Variants in SLC38A1 observed in about 807,000 individuals in gnomAD.
SLC38A1 encodes the protein solute carrier family 38 member 1.
Under a neutral mutation model 60.3 loss-of-function variants are expected in SLC38A1, and 18 were observed. The ratio of observed to expected loss-of-function variants is 0.30; its 90% CI spans 0.21 to 0.44. The LOEUF (loss-of-function observed/expected upper bound fraction) is 0.44, where lower values mean the gene tolerates loss of function less well. Ranked by LOEUF, SLC38A1 falls within the 20% of genes least tolerant of loss-of-function variation. The pLI is 1.00. For missense variants in SLC38A1, 448 were observed against 587.2 expected (o/e 0.76, Z 2.45); for synonymous variants, 196 against 212.1 (o/e 0.92, Z 0.66).
intron 16 of SLC38A1, 190 bp downstream of exon 16, chr12:46,197,530 A>G (rs1939438138): frequency 1.2e-5 from 6 of 495,120 alleles, no homozygotes; most frequent in African/African-American, 1.0e-4. Flanking sequence ...AAAACCAGAA[A>G]AGATATTTGG....
chr12:46,251,932 A>G (rs1941856314), intron 1 of SLC38A1, among the ~76,000 whole-genome samples: 2 of 152,320 alleles, frequency 1.3e-5, no homozygotes, highest in South Asian at 4.1e-4. Context: ...CAGTGTGGCA[A>G]TTCCTCAAGG....
In SLC38A1 at chr12:46,229,653, C is replaced by A. The variant is rs766157424; in HGVS notation, c.123-14G>T. ...GAAATAAACTTGCTGTAAAGACATGCGTAATATATTTAACCTTATGATAAT... is the reference window on the plus strand; with the variant it reads ...GAAATAAACTTGCTGTAAAGACATGAGTAATATATTTAACCTTATGATAAT... On this transcript the variant is annotated splice_polypyrimidine_tract_variant and intron_variant, in intron 3 of 16. Coordinates refer to ENST00000398637, the MANE Select transcript of SLC38A1 (RefSeq NM_030674.4). 1.9e-6 allele frequency: 3 copies of A among 1,603,330 alleles called. No individual in the cohort carries two copies. The highest frequency in any genetic ancestry group is 1.7e-6 in the Non-Finnish European group (2 of 1,171,106).
At chr12:46,245,860 T>A (rs1156471726) in intron 1 of SLC38A1, among the ~76,000 whole-genome samples, 2 of 152,244 alleles carry the variant, frequency 1.3e-5, no homozygotes, top group Non-Finnish European at 2.9e-5. Flanking sequence ...CTTCCTTTTT[T>A]ATTTTTATTT....
chr12:46,192,688 C>A (rs1314151002), intron 16 of SLC38A1, among the ~76,000 whole-genome samples: 1 of 152,144 alleles, frequency 6.6e-6, no homozygotes, highest in East Asian at 1.9e-4. Flanking sequence ...GGAATTTATA[C>A]ATTTCTTCTA....
chr12:46,262,329 G>A (rs367770459), intron 1 of SLC38A1, among the ~76,000 whole-genome samples: 1 of 151,744 alleles, frequency 6.6e-6, no homozygotes, highest in South Asian at 2.1e-4. Context: ...TAAAGTTAAT[G>A]AAGTCAACCT....
chr12:46,205,585 G>A (rs369511148), intron 9 of SLC38A1, among the ~76,000 whole-genome samples: 1 of 152,108 alleles, frequency 6.6e-6, no homozygotes, highest in African/African-American at 2.4e-5. Flanking sequence ...ATGACTTGGA[G>A]ATTATCCGCC....
At position 46,198,076 on chromosome 12, in the gene SLC38A1, A is replaced by T. The variant is rs1425382400; in HGVS notation, c.1123-16T>A. On this transcript the variant is annotated splice_polypyrimidine_tract_variant and intron_variant, in intron 14 of 16. Transcript: ENST00000398637. ...ATGAACGAACCTGCAAGAAAAGAAA[A>T]CAAAGATTCTGTAAGTGCCTACAGC... is the stretch of plus-strand genomic sequence containing the variant. The T allele has an allele frequency of 1.2e-6, 2 of 1,612,314 alleles. No homozygotes were observed. Among genetic ancestry groups the T allele is most frequent in the South Asian group, 1.1e-5 (1 of 90,980 alleles).
intron 16 of SLC38A1, among the ~76,000 whole-genome samples, chr12:46,197,057 G>A (rs769269062): frequency 6.6e-6 from 1 of 152,218 alleles, no homozygotes. Context: ...ACAGTGGACT[G>A]CATAACATCT....
intron 5 of SLC38A1, among the ~76,000 whole-genome samples, chr12:46,210,973 G>T (rs1461309751): frequency 2.0e-5 from 3 of 152,132 alleles, no homozygotes; most frequent in African/African-American, 4.8e-5. Flanking sequence ...GCATTTATTA[G>T]CCAACCCAGT....
At chr12:46,222,310 C>T (rs1322371345) in intron 5 of SLC38A1, among the ~76,000 whole-genome samples, 2 of 151,994 alleles carry the variant, frequency 1.3e-5, no homozygotes, top group African/African-American at 4.8e-5. Flanking sequence ...ATCTCCACTC[C>T]ACCTCTAGAC....
chr12:46,188,767 C>T lies in SLC38A1; in HGVS notation c.*203G>A. 2.2e-6 allele frequency: 1 copy of T among 458,996 alleles called. No homozygotes were observed. Among genetic ancestry groups the T allele is most frequent in the Non-Finnish European group, 3.9e-6 (1 of 255,888 alleles). 28.4% of individuals were successfully genotyped at this position (458,996 alleles called of 1,614,324 possible). A position where few individuals can be genotyped will look rare whatever the true frequency, so the allele number is the denominator to read the frequency against. On this transcript the variant is annotated 3_prime_UTR_variant, in exon 17 of 17. Transcript: ENST00000398637. ...AATTTGAAAAAAAAATTTCACAATC[C>T]CTAAATTGATCTCAAATCTTGGAGG...
intron 1 of SLC38A1, among the ~76,000 whole-genome samples, chr12:46,247,578 T>C (rs1941665112): frequency 6.6e-6 from 1 of 152,144 alleles, no homozygotes; most frequent in Admixed American, 6.5e-5. Context: ...GTGAAAGTGA[T>C]GGGGAAAATG....
chr12:46,229,246 C>G lies in SLC38A1; in HGVS notation c.221G>C (p.Gly74Ala). The part of the protein sequence containing the change: ...DEYIPGTTSL[G>A]MSVFNLSNAI... Reference sequence around the variant, plus strand: ...GTTGCTTAGGTTAAAAACAGACATGCCTAAGGAGGTTGTACCTGGAATCTG... The same window carrying G: ...GTTGCTTAGGTTAAAAACAGACATGGCTAAGGAGGTTGTACCTGGAATCTG... Residue 74 changes from glycine to alanine, a missense_variant, in exon 5 of 17, where the codon GGC becomes GCC. By Grantham distance (60) the Gly-to-Ala change is moderately conservative. This residue lies in a region of SLC38A1 where 102 missense variants were observed against 89.7 expected (regional missense o/e 1.14). Transcript: ENST00000398637. The G allele has an allele frequency of 6.2e-7, 1 of 1,612,572 alleles. No homozygotes were observed. The highest frequency in any genetic ancestry group is 8.5e-7 in the Non-Finnish European group (1 of 1,178,946).
At chr12:46,224,553 T>A (rs1940792055) in intron 5 of SLC38A1, among the ~76,000 whole-genome samples, 2 of 152,134 alleles carry the variant, frequency 1.3e-5, no homozygotes, top group African/African-American at 4.8e-5. Flanking sequence ...CAGCTGCTGG[T>A]CCAAAGAAGC....
At chr12:46,205,074 T>C (rs1165465293) in intron 9 of SLC38A1, among the ~76,000 whole-genome samples, 1 of 152,178 alleles carries the variant, frequency 6.6e-6, no homozygotes, top group Non-Finnish European at 1.5e-5. Flanking sequence ...ATGAAGCGAA[T>C]TTCTAGTGGT....
chr12:46,249,956 G>A (rs1483632735), intron 1 of SLC38A1, among the ~76,000 whole-genome samples: 3 of 152,088 alleles, frequency 2.0e-5, no homozygotes, highest in Non-Finnish European at 4.4e-5. Context: ...CTAATTAATG[G>A]AAAAAGAGGG....
At chr12:46,243,036 AAGAAC>A (rs1005582215) in intron 2 of SLC38A1, among the ~76,000 whole-genome samples, 159 bp downstream of exon 2, 4 of 151,830 alleles carry the variant, frequency 2.6e-5, no homozygotes, top group South Asian at 2.1e-4. Flanking sequence ...AAGCATTTTG[AAGAAC>A]AGAAGTGATT....
chr12:46,201,902 G>A (rs936888176), intron 12 of SLC38A1, among the ~76,000 whole-genome samples: 2 of 149,954 alleles, frequency 1.3e-5, no homozygotes, highest in African/African-American at 4.9e-5. Flanking sequence ...CAAGAAAAAC[G>A]GAGAAGTAGG....
At chr12:46,248,024 T>A (rs1378190901) in intron 1 of SLC38A1, among the ~76,000 whole-genome samples, 1 of 151,996 alleles carries the variant, frequency 6.6e-6, no homozygotes, top group African/African-American at 2.4e-5. Flanking sequence ...ATACAAGAGC[T>A]CCTGAAGGAA....
Sources: allele counts gnomAD v4.1 joint callset (sites outside exome capture counted in the v4.1 genomes callset), GRCh38; gene constraint gnomAD v4.1.1; regional missense constraint gnomAD v4.1.1; transcripts MANE v1.5; gene names NCBI Gene and HGNC (gene_info 2026-07-23, HGNC 2026-07-21).